RPS6KA2: variants seen among roughly 807,000 people sequenced by gnomAD.
RPS6KA2 encodes the protein ribosomal protein S6 kinase A2, also known as ribosomal protein S6 kinase alpha-2.
In RPS6KA2, 42 loss-of-function variants were observed where a neutral mutation model predicts 91.8. That is an observed-to-expected ratio of 0.46 (90% confidence interval 0.36 to 0.59). The LOEUF (loss-of-function observed/expected upper bound fraction) is 0.59, where lower values mean the gene tolerates loss of function less well. Ranked by LOEUF, RPS6KA2 falls within the 20% of genes least tolerant of loss-of-function variation. The pLI, the probability that RPS6KA2 is intolerant of heterozygous loss-of-function variation, is 0.00. For synonymous variants in RPS6KA2, 414 were observed against 393.6 expected (o/e 1.05, Z -0.61); for missense variants, 798 against 978.5 (o/e 0.82, Z 2.46).
At chr6:166,721,406 G>A (rs950522655) in intron 2 of RPS6KA2, among the ~76,000 whole-genome samples, 57 of 152,198 alleles carry the variant, frequency 3.7e-4, no homozygotes, top group African/African-American at 1.4e-3. Context: ...GGGTCCTGAC[G>A]TGGCCACAGC....
chr6:166,820,258 G>C (rs557811236), intron 2 of RPS6KA2, among the ~76,000 whole-genome samples: 1 of 151,910 alleles, frequency 6.6e-6, no homozygotes, highest in East Asian at 1.9e-4. Context: ...CCCACCCACC[G>C]ACCAGCCTCC....
intron 10 of RPS6KA2, among the ~76,000 whole-genome samples, chr6:166,476,159 G>A (rs1780965901): frequency 6.6e-6 from 1 of 152,224 alleles, no homozygotes; most frequent in Admixed American, 6.5e-5. Context: ...GCCACATGGA[G>A]ATGGAGGCGG....
chr6:166,755,984 T>A (rs1020778292), intron 2 of RPS6KA2, among the ~76,000 whole-genome samples: 1 of 152,118 alleles, frequency 6.6e-6, no homozygotes, highest in African/African-American at 2.4e-5. Context: ...TATATAATTA[T>A]TTAAAATAAT....
intron 2 of RPS6KA2, among the ~76,000 whole-genome samples, chr6:166,714,698 G>C (rs1333774355): frequency 1.3e-5 from 2 of 152,190 alleles, no homozygotes; most frequent in Non-Finnish European, 2.9e-5. Context: ...GAAGGGCCTG[G>C]AACAGGCTGT....
rs1291332863 is a variant in RPS6KA2, at chr6:166,662,925, T to C, written c.124-124141A>G. Among the ~76,000 whole-genome samples the C allele has an allele frequency of 6.6e-6, 1 of 151,954 alleles. No individual in the cohort carries two copies. Among genetic ancestry groups the C allele is most frequent in the Non-Finnish European group, 1.5e-5 (1 of 67,992 alleles). On this transcript the variant is annotated intron_variant, in intron 2 of 21. Transcript: ENST00000503859. This position sits in a 1 kb window ranked among gnomAD's most constrained non-coding sequence, Gnocchi z 4.3. ...CAGAGACACCGGGGCCGCCTCTGTG[T>C]ATGGAGGAACGGCCACGCGAGGACA...
chr6:166,703,509 G>A (rs879642300), intron 2 of RPS6KA2, among the ~76,000 whole-genome samples: 1 of 152,208 alleles, frequency 6.6e-6, no homozygotes, highest in Non-Finnish European at 1.5e-5. Context: ...TAGAGATACC[G>A]TGTAGTTTAT....
chr6:166,828,620 A>G (rs1780105338), intron 2 of RPS6KA2, among the ~76,000 whole-genome samples: 1 of 152,238 alleles, frequency 6.6e-6, no homozygotes, highest in Non-Finnish European at 1.5e-5. Context: ...AAAACTGGAT[A>G]TCAAGATGCA....
rs1781560471 is a variant in RPS6KA2, at chr6:166,490,747, G to C, written c.748-6C>G. On this transcript the variant is annotated splice_polypyrimidine_tract_variant and splice_region_variant and intron_variant, in intron 8 of 20. Coordinates refer to ENST00000265678, the MANE Select transcript of RPS6KA2 (RefSeq NM_021135.6). The surrounding 1 kb of genome is among the most constrained non-coding windows in gnomAD (Gnocchi z 4.2). The stretch of plus-strand genomic sequence containing the variant: ...GACCCCGTGAGCATCTCAAACTGCA[G>C]AGCAACACAGAGCACAGTGAGTTCA... 1 of 1,608,406 alleles carries C rather than the reference G, an allele frequency of 6.2e-7. No homozygotes were observed. The highest frequency in any genetic ancestry group is 1.7e-5 in the Admixed American group (1 of 59,718).
At position 166,521,183 on chromosome 6, in the gene RPS6KA2, G is replaced by A. The variant is rs529809163; in HGVS notation, c.298+10049C>T. Among the ~76,000 whole-genome samples, 16 of 152,348 alleles carry A rather than the reference G, an allele frequency of 1.1e-4. No individual in the cohort carries two copies. In the South Asian group the frequency reaches 3.3e-3, roughly 32 times the overall value. ...CATGGGGAGTGCAGGAGCCTTGGGG[G>A]TGTGGCTGCCCTTACCTAAATTTCA... is the stretch of plus-strand genomic sequence containing the variant. On this transcript the variant is annotated intron_variant, in intron 3 of 20. Transcript: ENST00000265678.
At chr6:166,487,767 C>G (rs1400197518) in intron 10 of RPS6KA2, among the ~76,000 whole-genome samples, 1 of 152,172 alleles carries the variant, frequency 6.6e-6, no homozygotes, top group Admixed American at 6.5e-5. Context: ...TTAAATACAT[C>G]AATGTTGATT....
chr6:166,421,857 G>C (rs1583110299), intron 17 of RPS6KA2, among the ~76,000 whole-genome samples: 1 of 149,388 alleles, frequency 6.7e-6, no homozygotes, highest in African/African-American at 2.6e-5. Flanking sequence ...TATTGATTAA[G>C]TAAGGCATGA....
chr6:166,492,490 T>C (rs551420541), intron 8 of RPS6KA2, among the ~76,000 whole-genome samples: 1 of 152,290 alleles, frequency 6.6e-6, no homozygotes, highest in East Asian at 1.9e-4. Flanking sequence ...GGGAACTCCT[T>C]TCCTATTCTG....
intron 2 of RPS6KA2, among the ~76,000 whole-genome samples, chr6:166,641,343 A>G (rs917558781): frequency 6.6e-6 from 1 of 152,208 alleles, no homozygotes; most frequent in Non-Finnish European, 1.5e-5. Flanking sequence ...AAGCATTACA[A>G]GAAAACAAGA....
intron 2 of RPS6KA2, among the ~76,000 whole-genome samples, chr6:166,722,277 G>A (rs1790197684): frequency 6.6e-6 from 1 of 152,176 alleles, no homozygotes; most frequent in Admixed American, 6.5e-5. Flanking sequence ...CTTGGAGACT[G>A]GAGATCCCAC....
At chr6:166,751,935 A>G (rs539762314) in intron 2 of RPS6KA2, among the ~76,000 whole-genome samples, 23 of 152,098 alleles carry the variant, frequency 1.5e-4, no homozygotes, top group Admixed American at 3.9e-4. Flanking sequence ...GCCAGACTCC[A>G]TGGAGCACAG....
rs894845229 is a variant in RPS6KA2, at chr6:166,554,508, C to T, written c.100-15724G>A. ...CCCTTTCTATTCCTCTTCCCAGCTC[C>T]GGATGTGCATCCTGTGTGGGGACAG... On this transcript the variant is annotated intron_variant, in intron 1 of 20. Transcript: ENST00000265678. The surrounding 1 kb of genome is among the most constrained non-coding windows in gnomAD (Gnocchi z 4.3). Among the ~76,000 whole-genome samples the T allele has an allele frequency of 6.6e-5, 10 of 152,194 alleles. No individual in the cohort carries two copies. The highest frequency in any genetic ancestry group is 4.6e-4 in the Admixed American group (7 of 15,280).
At chr6:166,588,925 C>A (rs938589834) in intron 1 of RPS6KA2, among the ~76,000 whole-genome samples, 1 of 152,164 alleles carries the variant, frequency 6.6e-6, no homozygotes, top group African/African-American at 2.4e-5. Flanking sequence ...GGAACACTGT[C>A]GCTTTCTCAG....
At chr6:166,721,408 G>A (rs562486742) in intron 2 of RPS6KA2, among the ~76,000 whole-genome samples, 91 of 152,294 alleles carry the variant, frequency 6.0e-4, no homozygotes, top group African/African-American at 2.0e-3. Flanking sequence ...GTCCTGACGT[G>A]GCCACAGCCA....
chr6:166,670,414 C>T (rs1373972777), intron 2 of RPS6KA2, among the ~76,000 whole-genome samples: 2 of 152,224 alleles, frequency 1.3e-5, no homozygotes, highest in African/African-American at 4.8e-5. Flanking sequence ...TCTGCCCCCA[C>T]AGCAATGGTG....
Sources: allele counts gnomAD v4.1 joint callset (sites outside exome capture counted in the v4.1 genomes callset), GRCh38; gene constraint gnomAD v4.1.1; non-coding constraint Gnocchi (gnomAD v3.1); transcripts MANE v1.5; gene names NCBI Gene and HGNC (gene_info 2026-07-23, HGNC 2026-07-21).